BCL7C: variants seen among roughly 807,000 people sequenced by gnomAD.
The protein encoded by BCL7C is B-cell CLL/lymphoma 7 protein family member C.
BCL7C carries 8 observed loss-of-function variants against 26.2 expected under a neutral mutation model. That is an observed-to-expected ratio of 0.30 (90% CI 0.18 to 0.55). BCL7C has a LOEUF of 0.55. Among genes scored for constraint, BCL7C ranks in the 20% least tolerant of loss-of-function variants. The pLI is 0.93. For missense variants in BCL7C, 262 were observed against 298.5 expected, an observed-to-expected ratio of 0.88 and a Z score of 0.90; for synonymous variants, 90 against 116.5, an observed-to-expected ratio of 0.77 and a Z score of 1.47.
intron 5 of BCL7C, among the ~76,000 whole-genome samples, chr16:30,877,032 C>T (rs928923583): frequency 1.3e-5 from 2 of 152,134 alleles, no homozygotes; most frequent in African/African-American, 2.4e-5. Context: ...GCCTGAAATG[C>T]CTGGCCGCAA....
At position 30,893,711 on chromosome 16, in the gene BCL7C, C is replaced by CAGAG; in HGVS notation, c.92+138_92+141dup. On this transcript the variant is annotated intron_variant, in intron 1 of 5. Coordinates refer to ENST00000215115, the MANE Select transcript of BCL7C (RefSeq NM_004765.4). This position sits in a 1 kb window ranked among gnomAD's most constrained non-coding sequence, Gnocchi z 5.2. ...CCAGGAGTAGCCAGGCGAACGGGGA[C>CAGAG]AGAGCCCTGTGGATCCAGGGCAAAG... is the stretch of plus-strand genomic sequence containing the variant. The CAGAG allele has an allele frequency of 1.4e-6, 1 of 705,568 alleles. No individual in the cohort carries two copies. Among genetic ancestry groups the CAGAG allele is most frequent in the Non-Finnish European group, 2.4e-6 (1 of 412,676 alleles). The allele number at this position is 705,568 out of a possible 1,614,324, so 43.7% of individuals were successfully genotyped here.
chr16:30,858,474 G>A (rs767927070), intron 5 of BCL7C, among the ~76,000 whole-genome samples: 9 of 152,040 alleles, frequency 5.9e-5, no homozygotes, highest in Non-Finnish European at 1.2e-4. Context: ...GACCCAAAAC[G>A]CCAGTGTGCT....
chr16:30,868,551 C>T (rs908545500), intron 5 of BCL7C, among the ~76,000 whole-genome samples: 1 of 151,494 alleles, frequency 6.6e-6, no homozygotes, highest in South Asian at 2.1e-4. Context: ...TTTGGGAGGC[C>T]GAGGTGGGCA....
chr16:30,886,863 C>T (rs571900939), downstream of BCL7C, among the ~76,000 whole-genome samples: 13 of 152,144 alleles, frequency 8.5e-5, no homozygotes, highest in Middle Eastern at 3.2e-3. Flanking sequence ...CTCTGGGCCT[C>T]TGTGTTATTA....
intron 5 of BCL7C, among the ~76,000 whole-genome samples, chr16:30,861,931 T>A (rs1236232005): frequency 1.4e-5 from 2 of 141,280 alleles, no homozygotes. Context: ...TGGCGTGATC[T>A]CAGGTCAATG....
At chr16:30,876,542 A>G (rs1342549737) in intron 5 of BCL7C, among the ~76,000 whole-genome samples, 1 of 152,192 alleles carries the variant, frequency 6.6e-6, no homozygotes, top group Non-Finnish European at 1.5e-5. Context: ...CTAGGAAGAC[A>G]GAGATTATGA....
chr16:30,888,032 A>G (rs752968483), intron 5 of BCL7C, 42 bp from the exon 6 acceptor site: 1 of 1,571,236 alleles, frequency 6.4e-7, no homozygotes, highest in Non-Finnish European at 8.6e-7. Flanking sequence ...CACAGAACCC[A>G]GGCGTCCAGC....
At chr16:30,848,152 G>A (rs1351605183) in intron 5 of BCL7C, among the ~76,000 whole-genome samples, 1 of 152,232 alleles carries the variant, frequency 6.6e-6, no homozygotes, top group Non-Finnish European at 1.5e-5. Context: ...TTAGTGAAAT[G>A]AGATGCCAGA....
chr16:30,857,325 C>A (rs1054287983), intron 5 of BCL7C, among the ~76,000 whole-genome samples: 2 of 144,818 alleles, frequency 1.4e-5, no homozygotes, highest in African/African-American at 5.1e-5. Context: ...GAGGCAGAGG[C>A]TGCAGTGAGC....
intron 5 of BCL7C, among the ~76,000 whole-genome samples, chr16:30,877,315 G>A (rs2054965108): frequency 6.6e-6 from 1 of 152,116 alleles, no homozygotes; most frequent in Non-Finnish European, 1.5e-5. Flanking sequence ...GCTCTGTCGC[G>A]CAGGTTGAAG....
chr16:30,892,524 G>C (rs1182398055), intron 4 of BCL7C, 62 bp downstream of exon 4: 2 of 1,495,758 alleles, frequency 1.3e-6, no homozygotes, highest in South Asian at 1.3e-5. Flanking sequence ...TGAGCTGGTA[G>C]GTTAGACTCT....
chr16:30,859,853 G>A (rs2054754865), intron 5 of BCL7C, among the ~76,000 whole-genome samples: 1 of 152,180 alleles, frequency 6.6e-6, no homozygotes, highest in African/African-American at 2.4e-5. Context: ...CTGTTTGGTG[G>A]TCTCTTCACA....
At chr16:30,855,646 G>A (rs187681475) in intron 5 of BCL7C, among the ~76,000 whole-genome samples, 42 of 152,212 alleles carry the variant, frequency 2.8e-4, no homozygotes, top group Admixed American at 2.0e-3. Context: ...TGCTACGGAC[G>A]GGGCATGGTG....
chr16:30,865,199 T>C (rs1596597520), intron 5 of BCL7C, among the ~76,000 whole-genome samples: 2 of 151,356 alleles, frequency 1.3e-5, no homozygotes, highest in South Asian at 4.2e-4. Context: ...AAAAAGTACT[T>C]TGTAATACTC....
At position 30,833,790 on chromosome 16, in the gene BCL7C, C is replaced by T. The variant is rs187569131; in HGVS notation, c.*1158G>A. 3.9e-5 allele frequency: 6 copies of T among 152,324 alleles called. No individual in the cohort carries two copies. The East Asian group carries it at 1.2e-3, about 29-fold the overall frequency. The allele number at this position is 152,324 out of a possible 1,614,324, so 9.4% of individuals were successfully genotyped here. On this transcript the variant is annotated 3_prime_UTR_variant, in exon 6 of 6. Coordinates refer to the BCL7C transcript ENST00000380317. The stretch of plus-strand genomic sequence containing the variant: ...TTTCATCCCAGGGAGTATCTACTCA[C>T]TTCAGTGTAGAAAGCGTTTTCTGTA...
intron 4 of BCL7C, among the ~76,000 whole-genome samples, chr16:30,891,526 A>C (rs2055236574): frequency 6.6e-6 from 1 of 152,248 alleles, no homozygotes; most frequent in South Asian, 2.1e-4. Context: ...CCTAGCACAC[A>C]GTAAGAGCTC....
intron 5 of BCL7C, among the ~76,000 whole-genome samples, chr16:30,841,564 G>T (rs2054602301): frequency 6.6e-6 from 1 of 152,156 alleles, no homozygotes; most frequent in African/African-American, 2.4e-5. Context: ...AGTCTCACAA[G>T]CCTGCTGTGA....
chr16:30,874,266 G>C (rs912110229), intron 5 of BCL7C, among the ~76,000 whole-genome samples: 1 of 151,996 alleles, frequency 6.6e-6, no homozygotes, highest in Non-Finnish European at 1.5e-5. Context: ...AAAGTGCTAG[G>C]ATTACAGGCG....
At chr16:30,844,348 CAAAAAAAAAAAAAAAAAAAA>C (rs55663737) in intron 5 of BCL7C, among the ~76,000 whole-genome samples, 1 of 73,404 alleles carries the variant, frequency 1.4e-5, no homozygotes, top group Admixed American at 2.1e-4. Context: ...GACTCCGTCT[CAAAAAAAAAAAAAAAAAAAA>C]AAAAAAGGGA....
Sources: gnomAD v4.1 joint callset for allele counts (sites outside exome capture counted in the v4.1 genomes callset) on GRCh38, gnomAD v4.1.1 for gene constraint, Gnocchi (gnomAD v3.1) non-coding constraint, MANE v1.5 for transcripts, NCBI Gene and HGNC (gene_info 2026-07-23, HGNC 2026-07-21) for gene names.